The following CSMD1 variants were observed in gnomAD, a reference collection of about 807,000 sequenced individuals.
The protein encoded by CSMD1 is CUB and sushi domain-containing protein 1.
A neutral mutation model predicts 417.5 loss-of-function variants in CSMD1; 213 were observed. That is an observed-to-expected ratio of 0.51 (90% CI 0.46 to 0.57). CSMD1 has a LOEUF of 0.57. CSMD1 is among the 20% of genes least tolerant of loss of function. The probability of loss-of-function intolerance (pLI) is 0.00; values close to 1 mark genes in which losing one functional copy is unlikely to be tolerated. For missense variants in CSMD1, 6,923 were observed against 4,529.7 expected (o/e 1.53, Z -15.17); for synonymous variants, 2,862 against 1,736.8 (o/e 1.65, Z -16.11).
chr8:3,740,746 A>T (rs908460122), intron 6 of CSMD1, among the ~76,000 whole-genome samples: 1 of 152,224 alleles, frequency 6.6e-6, no homozygotes, highest in African/African-American at 2.4e-5. Flanking sequence ...ACCTAGTTCC[A>T]CAAAGGAAAG....
chr8:3,480,460 C>G lies in CSMD1; in HGVS notation c.1449-11636G>C, dbSNP rs539293751. On this transcript the variant is annotated intron_variant, in intron 11 of 69. Transcript: ENST00000635120. ...AATACACATAGAAAAAAGAATCCAA[C>G]TATTTTTTATCATTAGAATTCCAAA... Among the ~76,000 whole-genome samples the G allele has an allele frequency of 4.6e-5, 7 of 152,254 alleles. No homozygotes were observed. In the East Asian group the frequency reaches 1.2e-3, roughly 25 times the overall value.
chr8:4,202,154 G>A (rs710258), intron 3 of CSMD1, among the ~76,000 whole-genome samples: 119,337 of 151,898 alleles, frequency 0.79, 47,637 homozygotes, highest in South Asian at 0.88. Flanking sequence ...TTTCTAGGAC[G>A]GGTGGGATGA....
At chr8:4,251,888 G>C (rs778775957) in intron 3 of CSMD1, among the ~76,000 whole-genome samples, 2 of 142,994 alleles carry the variant, frequency 1.4e-5, no homozygotes, top group Non-Finnish European at 3.0e-5. Context: ...AAGAGGGGAA[G>C]GGAGGGGAGG....
chr8:4,347,670 A>G (rs1299372770), intron 3 of CSMD1, among the ~76,000 whole-genome samples: 3 of 152,184 alleles, frequency 2.0e-5, no homozygotes, highest in African/African-American at 7.2e-5. Flanking sequence ...TCAGTATGCA[A>G]TTGCAATGAC....
chr8:3,815,095 A>T (rs920566638), intron 5 of CSMD1, among the ~76,000 whole-genome samples: 1 of 152,152 alleles, frequency 6.6e-6, no homozygotes, highest in Non-Finnish European at 1.5e-5. Context: ...TGAGCTGTAC[A>T]TTTTTTCAGA....
At chr8:4,355,325 G>GCA (rs34254586) in intron 3 of CSMD1, among the ~76,000 whole-genome samples, 53,817 of 148,576 alleles carry the variant, frequency 0.36, 11,079 homozygotes, top group East Asian at 0.57. Context: ...ACACACACAC[G>GCA]CACACACACA....
At position 3,041,279 on chromosome 8, in the gene CSMD1, G is replaced by A. The variant is rs572157884; in HGVS notation, c.7660+11183C>T. ...GTACTACAGAGCAAAAATATATCCC[G>A]TAAAATGCATTTTTTCTTGTTTTCT... On this transcript the variant is annotated intron_variant, in intron 50 of 69. Transcript: ENST00000635120. Among the ~76,000 whole-genome samples the A allele has an allele frequency of 7.2e-5, 11 of 152,088 alleles. No individual in the cohort carries two copies. In the East Asian group the frequency reaches 1.2e-3, roughly 16 times the overall value.
intron 7 of CSMD1, among the ~76,000 whole-genome samples, chr8:3,692,384 C>G (rs771713867): frequency 5.9e-5 from 9 of 152,136 alleles, no homozygotes; most frequent in South Asian, 2.1e-4. Context: ...TTCTGTGGAG[C>G]TTGTCACTTC....
intron 3 of CSMD1, among the ~76,000 whole-genome samples, chr8:4,121,803 A>G (rs1802502338): frequency 6.6e-6 from 1 of 152,074 alleles, no homozygotes; most frequent in Non-Finnish European, 1.5e-5. Context: ...TTATTTTCTA[A>G]TTGTAACTTA....
At chr8:4,001,145 A>G (rs917125812) in intron 4 of CSMD1, among the ~76,000 whole-genome samples, 12 of 152,334 alleles carry the variant, frequency 7.9e-5, no homozygotes, top group African/African-American at 2.9e-4. Context: ...AAAGCTTTGA[A>G]ATAGTCGTAT....
chr8:4,830,949 G>T (rs1023337766), intron 1 of CSMD1, among the ~76,000 whole-genome samples: 3 of 152,154 alleles, frequency 2.0e-5, no homozygotes, highest in African/African-American at 4.8e-5. Context: ...ATTATCTGCT[G>T]CCTGAAGAAA....
At chr8:3,922,213 C>G (rs1809325797) in intron 5 of CSMD1, among the ~76,000 whole-genome samples, 1 of 152,002 alleles carries the variant, frequency 6.6e-6, no homozygotes, top group Admixed American at 6.6e-5. Context: ...TTCTTTTTAA[C>G]CACTTGCATA....
chr8:4,637,907 T>C (rs1254641273), intron 1 of CSMD1, among the ~76,000 whole-genome samples: 1 of 151,480 alleles, frequency 6.6e-6, no homozygotes, highest in Admixed American at 6.6e-5. Context: ...CCTGACCTCA[T>C]GATCCACCCG....
chr8:3,465,235 C>G (rs1339918521), intron 12 of CSMD1, among the ~76,000 whole-genome samples: 1 of 152,124 alleles, frequency 6.6e-6, no homozygotes, highest in Non-Finnish European at 1.5e-5. Context: ...TGCACAGGCC[C>G]TGGTTTTCAT....
intron 3 of CSMD1, 151 bp downstream of exon 3, chr8:4,419,802 C>G (rs918795395): frequency 6.0e-6 from 3 of 503,078 alleles, no homozygotes; most frequent in African/African-American, 3.8e-5. Flanking sequence ...AACAGTGTTA[C>G]CAAATGCCAT....
chr8:2,989,815 C>A (rs1379568942), intron 54 of CSMD1, among the ~76,000 whole-genome samples: 2 of 152,210 alleles, frequency 1.3e-5, no homozygotes, highest in Non-Finnish European at 2.9e-5. Context: ...TCTGCAAGAA[C>A]AAGTTTTGTG....
chr8:3,454,296 C>T (rs541998487), intron 12 of CSMD1, among the ~76,000 whole-genome samples: 129 of 152,248 alleles, frequency 8.5e-4, no homozygotes, highest in African/African-American at 2.5e-3. Context: ...TTAATTGGAG[C>T]ATTTGGCCCA....
At chr8:3,063,646 G>C (rs760186068) in intron 49 of CSMD1, among the ~76,000 whole-genome samples, 10 of 152,168 alleles carry the variant, frequency 6.6e-5, no homozygotes, top group Non-Finnish European at 1.2e-4. Context: ...TTATTACTCA[G>C]TCTTAAAAAG....
chr8:3,710,355 G>T lies in CSMD1; in HGVS notation c.932-1864C>A, dbSNP rs1251383694. ...ACGACCAACTGGCTTTGTTTCTCTGGAGAACTCTGACGAAATACAATGCCA... is the reference window on the plus strand; with the variant it reads ...ACGACCAACTGGCTTTGTTTCTCTGTAGAACTCTGACGAAATACAATGCCA... On this transcript the variant is annotated intron_variant, in intron 6 of 69. Transcript: ENST00000635120. Among the ~76,000 whole-genome samples, 4 of 152,076 alleles carry T rather than the reference G, an allele frequency of 2.6e-5. No homozygotes were observed. In the South Asian group the frequency reaches 6.2e-4, roughly 24 times the overall value.
Sources: gnomAD v4.1 joint callset for allele counts (sites outside exome capture counted in the v4.1 genomes callset) on GRCh38, gnomAD v4.1.1 for gene constraint, MANE v1.5 for transcripts, NCBI Gene and HGNC (gene_info 2026-07-23, HGNC 2026-07-21) for gene names.